The following SRXN1 variants were observed in gnomAD, a reference collection of about 807,000 sequenced individuals.
SRXN1 encodes sulfiredoxin 1.
In SRXN1, 11 loss-of-function variants were observed where a neutral mutation model predicts 11.0. That is an observed-to-expected ratio of 1.00 (90% confidence interval 0.63 to 1.65). The LOEUF is 1.65. Among genes scored for constraint, SRXN1 ranks in the 40% most tolerant of loss-of-function variants. The pLI is 0.00. For missense variants in SRXN1, 211 were observed against 194.5 expected (o/e 1.08, Z -0.50); for synonymous variants, 106 against 92.8 (o/e 1.14, Z -0.82).
At position 647,839 on chromosome 20, in the gene SRXN1, A is replaced by G. The variant is rs1265931432; in HGVS notation, c.*875T>C. The G allele has an allele frequency of 2.9e-6, 1 of 348,272 alleles. No homozygotes were observed. The highest frequency in any genetic ancestry group is 2.1e-5 in the African/African-American group (1 of 46,624). The allele number at this position is 348,272 out of a possible 1,614,324, so 21.6% of individuals were successfully genotyped here. On this transcript the variant is annotated 3_prime_UTR_variant, in exon 2 of 2. Transcript: ENST00000381962. ...ATGGTTTGTTACACAGCAAAAGCTA[A>G]CTGGTACACAATTCTGCATTTCTCT...
At chr20:650,436 GC>G (rs1423863867) in intron 1 of SRXN1, among the ~76,000 whole-genome samples, 2 of 152,196 alleles carry the variant, frequency 1.3e-5, no homozygotes, top group Non-Finnish European at 2.9e-5. Flanking sequence ...CCTGTTAGGG[GC>G]CCACACAGCC....
chr20:651,656 C>T (rs538268895), intron 1 of SRXN1, among the ~76,000 whole-genome samples: 2 of 151,236 alleles, frequency 1.3e-5, no homozygotes, highest in Admixed American at 1.3e-4. Flanking sequence ...TGCACTCCAG[C>T]CAGGGTGACA....
At chr20:651,898 C>T (rs1983683007) in intron 1 of SRXN1, among the ~76,000 whole-genome samples, 1 of 152,210 alleles carries the variant, frequency 6.6e-6, no homozygotes, top group South Asian at 2.1e-4. Flanking sequence ...GCATGCATGG[C>T]AGATCCCTTC....
intron 1 of SRXN1, among the ~76,000 whole-genome samples, chr20:652,006 A>G (rs575036989): frequency 2.1e-4 from 32 of 152,342 alleles, no homozygotes; most frequent in African/African-American, 7.7e-4. Context: ...GAAGACAGAA[A>G]ATAAAATGCA....
rs1371087293 is a variant in SRXN1 at position 647,754 on chromosome 20, T to C, written c.*960A>G. On this transcript the variant is annotated 3_prime_UTR_variant, in exon 2 of 2. Transcript: ENST00000381962. Reference sequence around the variant, plus strand: ...ACTGCCCTGTTGAGCCCAGCCCAAATTGCCAACCCATAGGATTGTGGGAAA... The same window carrying C: ...ACTGCCCTGTTGAGCCCAGCCCAAACTGCCAACCCATAGGATTGTGGGAAA... 49 of 334,584 alleles carry C rather than the reference T, an allele frequency of 1.5e-4. No individual in the cohort carries two copies. Among genetic ancestry groups the C allele is most frequent in the South Asian group, 1.1e-3 (44 of 41,224 alleles). The allele number at this position is 334,584 out of a possible 1,614,324, so 20.7% of individuals were successfully genotyped here. A position where few individuals can be genotyped will look rare whatever the true frequency, so the allele number is the denominator to read the frequency against.
Position 653,023 on chromosome 20 carries a change from A to G in SRXN1, c.163T>C (p.Ser55Pro). 1 of 1,572,370 alleles carries G rather than the reference A, an allele frequency of 6.4e-7. No individual in the cohort carries two copies. Among genetic ancestry groups the G allele is most frequent in the Non-Finnish European group, 8.6e-7 (1 of 1,162,156 alleles). ...PLSVLIRPLP[S>P]VLDPAKVQSL... ...TGCACCTTGGCGGGGTCCAACACGG[A>G]CGGCAGCGGCCGGATGAGCACGCTC... is the stretch of plus-strand genomic sequence containing the variant. Residue 55 changes from serine to proline, a missense_variant, in exon 1 of 2, where the codon TCC (serine) becomes CCC (proline). Physicochemically the swap from Ser to Pro is moderately conservative, Grantham distance 74 (BLOSUM62 -1). Coordinates refer to ENST00000381962, the MANE Select transcript of SRXN1 (RefSeq NM_080725.3).
At chr20:649,693 A>C (rs566192650) in intron 1 of SRXN1, among the ~76,000 whole-genome samples, 20 of 147,912 alleles carry the variant, frequency 1.4e-4, no homozygotes, top group African/African-American at 5.1e-4. Flanking sequence ...TGGAACGAGA[A>C]TCCATCTCAA....
Position 653,133 on chromosome 20 carries a change from G to A in SRXN1, c.53C>T (p.Ala18Val). The A allele has an allele frequency of 2.3e-6, 3 of 1,312,468 alleles. No homozygotes were observed. Among genetic ancestry groups the A allele is most frequent in the South Asian group, 2.2e-5 (1 of 46,438 alleles). The allele number at this position is 1,312,468 out of a possible 1,614,324, so 81.3% of individuals were successfully genotyped here. ...GCCGCTCGGCCCGGGCCCCTCGGGC[G>A]CCCCCCGACCCGCGCCGGCCCTGCC... ...TLGRAGAGRG[A>V]PEGPGPSGGA... is the part of the protein sequence containing the mutation. Residue 18 changes from alanine (A) to valine (V), a missense_variant, in exon 1 of 2, where the codon GCG (alanine) becomes GTG (valine). Ala to Val is a moderately conservative substitution (Grantham distance 64, BLOSUM62 0). Transcript: ENST00000381962.
Position 653,135 on chromosome 20 carries a change from C to T in SRXN1, c.51G>A (p.Gly17=), listed in dbSNP as rs909260082. Residue 17 remains glycine (G), a synonymous_variant, in exon 1 of 2, where the codon GGG becomes GGA. Transcript: ENST00000381962. ...CGCTCGGCCCGGGCCCCTCGGGCGC[C>T]CCCCGACCCGCGCCGGCCCTGCCCA... ...GTLGRAGAGR[G]APEGPGPSGG... is the part of the protein sequence containing the mutation. The T allele has an allele frequency of 7.0e-6, 9 of 1,290,942 alleles. No individual in the cohort carries two copies. In the African/African-American group the frequency reaches 1.3e-4, roughly 18 times the overall value. The allele number at this position is 1,290,942 out of a possible 1,614,324, so 80.0% of individuals were successfully genotyped here.
Position 646,905 on chromosome 20 carries a change from A to C in SRXN1, c.*1809T>G, listed in dbSNP as rs1983548350. ...GAAGACACTCTCCCTTTTCAATTCT[A>C]TTACTGGTCACCTCAGTCAACTTTC... On this transcript the variant is annotated 3_prime_UTR_variant, in exon 2 of 2. Transcript: ENST00000381962. 6.6e-6 allele frequency: 1 copy of C among 152,130 alleles called. No homozygotes were observed. 9.4% of individuals were successfully genotyped at this position (152,130 alleles called of 1,614,324 possible).
rs549646668 is a variant in SRXN1 at position 647,985 on chromosome 20, C to T, written c.*729G>A. The T allele has an allele frequency of 1.3e-4, 54 of 431,872 alleles. No individual in the cohort carries two copies. Among genetic ancestry groups the T allele is most frequent in the African/African-American group, 8.7e-4 (43 of 49,684 alleles). The allele number at this position is 431,872 out of a possible 1,614,324, so 26.8% of individuals were successfully genotyped here. On this transcript the variant is annotated 3_prime_UTR_variant, in exon 2 of 2. Coordinates refer to ENST00000381962, the MANE Select transcript of SRXN1 (RefSeq NM_080725.3). The stretch of plus-strand genomic sequence containing the variant: ...CCTGCTGTCTTAGCTTTGTTTGCAG[C>T]TAGAGGTGCAATGGTAGCTGGCTCG...
At chr20:650,329 T>C (rs1983640698) in intron 1 of SRXN1, among the ~76,000 whole-genome samples, 1 of 151,812 alleles carries the variant, frequency 6.6e-6, no homozygotes, top group Admixed American at 6.6e-5. Context: ...CAGGGAGAGG[T>C]AGACAGGTTT....
At chr20:649,701 C>CAA (rs1250218344) in intron 1 of SRXN1, among the ~76,000 whole-genome samples, 1 of 101,790 alleles carries the variant, frequency 9.8e-6, no homozygotes. Context: ...GAATCCATCT[C>CAA]AAAAAAAAAA....
intron 1 of SRXN1, among the ~76,000 whole-genome samples, chr20:649,307 T>C (rs6038273): frequency 0.036 from 5,461 of 152,140 alleles, 259 homozygotes; most frequent in African/African-American, 0.11. Context: ...AAGTAAATAT[T>C]AGAGTGACAA....
chr20:649,429 C>T (rs754449177), intron 1 of SRXN1, among the ~76,000 whole-genome samples: 10 of 152,180 alleles, frequency 6.6e-5, no homozygotes, highest in East Asian at 1.9e-4. Context: ...GGGCCGGGCA[C>T]GGTGGCTCAT....
rs377253983 is a variant in SRXN1 at position 648,780 on chromosome 20, C to T, written c.348G>A (p.Lys116=). Residue 116 remains lysine, a synonymous_variant, in exon 2 of 2, where the codon AAG becomes AAA. Transcript: ENST00000381962. ...GGTCTGAGAGAGTGGACTGGACAAG[C>T]TTGGCGGGGATGGTCTCTCGCTGCA... ...QQLQRETIPA[K]LVQSTLSDLR... is the part of the protein sequence containing the mutation. 14 of 1,614,226 alleles carry T rather than the reference C, an allele frequency of 8.7e-6. No individual in the cohort carries two copies. Among genetic ancestry groups the T allele is most frequent in the South Asian group, 1.1e-5 (1 of 91,088 alleles).
In SRXN1 at chr20:647,606, C is replaced by G; in HGVS notation, c.*1108G>C. 1 of 183,398 alleles carries G rather than the reference C, an allele frequency of 5.5e-6. No individual in the cohort carries two copies. Among genetic ancestry groups the G allele is most frequent in the Admixed American group, 5.5e-5 (1 of 18,282 alleles). 11.4% of individuals were successfully genotyped at this position (183,398 alleles called of 1,614,324 possible). On this transcript the variant is annotated 3_prime_UTR_variant, in exon 2 of 2. Transcript: ENST00000381962. ...AGAGGCCACATGGAGGAGAACCAAG[C>G]AATTCCAGCCAACAGCCTGTCACCT...
rs763012397 is a variant in SRXN1 at position 648,674 on chromosome 20, T to C, written c.*40A>G. On this transcript the variant is annotated 3_prime_UTR_variant, in exon 2 of 2. Coordinates refer to ENST00000381962, the MANE Select transcript of SRXN1 (RefSeq NM_080725.3). The stretch of plus-strand genomic sequence containing the variant: ...AGCCTGCTGGAGGCCAGGTGTGTCT[T>C]CTGGGCTCTTGAAGGTGGCAGCAGG... The C allele has an allele frequency of 3.7e-6, 6 of 1,609,588 alleles. No individual in the cohort carries two copies. In the Admixed American group the frequency reaches 1.0e-4, roughly 27 times the overall value.
intron 1 of SRXN1, 31 bp downstream of exon 1, chr20:652,945 C>G: frequency 7.1e-7 from 1 of 1,401,922 alleles, no homozygotes; most frequent in Non-Finnish European, 9.4e-7. Flanking sequence ...GAAGCCCTCC[C>G]TCCGGTTGGC....
Sources: gnomAD v4.1 joint callset for allele counts (sites outside exome capture counted in the v4.1 genomes callset) on GRCh38, gnomAD v4.1.1 for gene constraint, MANE v1.5 for transcripts, NCBI Gene and HGNC (gene_info 2026-07-23, HGNC 2026-07-21) for gene names.